PLEKHA7: variants seen among roughly 807,000 people sequenced by gnomAD.
PLEKHA7 encodes pleckstrin homology domain containing A7, also known as pleckstrin homology domain-containing family A member 7.
A neutral mutation model predicts 170.0 loss-of-function variants in PLEKHA7; 104 were observed. The observed-to-expected ratio is 0.61, with a 90% CI of 0.52 to 0.72. The LOEUF (loss-of-function observed/expected upper bound fraction) is 0.72, where lower values mean the gene tolerates loss of function less well. PLEKHA7 is among the 30% of genes least tolerant of loss of function. The pLI is 0.00. For synonymous variants in PLEKHA7, 648 were observed against 660.8 expected (o/e 0.98, Z 0.30); for missense variants, 1,615 against 1,671.7 (o/e 0.97, Z 0.59).
intron 24 of PLEKHA7, among the ~76,000 whole-genome samples, chr11:16,785,051 G>A (rs563860677): frequency 1.3e-5 from 2 of 152,248 alleles, no homozygotes; most frequent in East Asian, 3.9e-4. Context: ...AACTCCTAGA[G>A]CCCCAGCAGA....
At chr11:16,795,081 A>G in intron 17 of PLEKHA7, 63 bp from the exon 18 acceptor site, 2 of 1,208,498 alleles carry the variant, frequency 1.7e-6, no homozygotes, top group Non-Finnish European at 2.5e-6. Flanking sequence ...CTTAGGACTT[A>G]TCCTACCATT....
intron 8 of PLEKHA7, among the ~76,000 whole-genome samples, chr11:16,844,046 A>G (rs1016319864): frequency 1.1e-4 from 17 of 152,116 alleles, no homozygotes; most frequent in Non-Finnish European, 1.9e-4. Context: ...ATCACACAAG[A>G]TCTCTGACAC....
chr11:16,813,410 A>G (rs1849520858), intron 12 of PLEKHA7: 1 of 421,452 alleles, frequency 2.4e-6, no homozygotes, highest in Admixed American at 3.5e-5. Context: ...GGCTAGGGGA[A>G]GAGTTTGGCA....
intron 3 of PLEKHA7, among the ~76,000 whole-genome samples, chr11:16,936,282 A>T (rs1376923836): frequency 1.3e-5 from 2 of 151,318 alleles, no homozygotes; most frequent in African/African-American, 4.9e-5. Flanking sequence ...GGTGCCTGTA[A>T]TCCCAGCTAC....
At chr11:16,868,430 C>T (rs918181446) in intron 4 of PLEKHA7, among the ~76,000 whole-genome samples, 1 of 152,254 alleles carries the variant, frequency 6.6e-6, no homozygotes, top group Non-Finnish European at 1.5e-5. Context: ...CAGGTGAGTC[C>T]TACCTGCCAA....
At position 16,829,974 on chromosome 11, in the gene PLEKHA7, A is replaced by G. The variant is rs1435775454; in HGVS notation, c.873-3384T>C. ...AGTCCTCAAGTTGCCTAAGTTGGCC[A>G]TTCTTTTTTTTTTTCTTTTTCTGAT... On this transcript the variant is annotated intron_variant, in intron 9 of 26. Coordinates refer to ENST00000531066, the MANE Select transcript of PLEKHA7 (RefSeq NM_001329630.2). Among the ~76,000 whole-genome samples the G allele has an allele frequency of 2.7e-5, 4 of 150,858 alleles. No individual in the cohort carries two copies. The East Asian group carries it at 7.7e-4, about 29-fold the overall frequency.
intron 8 of PLEKHA7, among the ~76,000 whole-genome samples, chr11:16,849,137 G>A (rs1852709540): frequency 6.6e-6 from 1 of 152,136 alleles, no homozygotes; most frequent in Non-Finnish European, 1.5e-5. Flanking sequence ...AACACACGAT[G>A]CCTTCTGTCT....
chr11:16,916,052 A>T (rs1242875781), intron 3 of PLEKHA7, among the ~76,000 whole-genome samples: 5 of 150,838 alleles, frequency 3.3e-5, no homozygotes, highest in Non-Finnish European at 5.9e-5. Flanking sequence ...AATGATTGCC[A>T]TTCTAACTGG....
At chr11:16,891,981 T>G (rs745650848) in intron 3 of PLEKHA7, among the ~76,000 whole-genome samples, 2 of 152,198 alleles carry the variant, frequency 1.3e-5, no homozygotes, top group Non-Finnish European at 2.9e-5. Context: ...GTGGAGTCAC[T>G]GGGAGGCATA....
chr11:16,965,173 A>G (rs779216874), intron 3 of PLEKHA7, among the ~76,000 whole-genome samples: 6 of 151,896 alleles, frequency 4.0e-5, no homozygotes, highest in East Asian at 1.9e-4. Context: ...ACCCAAAAAC[A>G]TAAGTCAGGT....
chr11:16,909,195 T>C (rs1383520326), intron 3 of PLEKHA7, among the ~76,000 whole-genome samples: 2 of 152,144 alleles, frequency 1.3e-5, no homozygotes, highest in Non-Finnish European at 2.9e-5. Context: ...ATAATTAATA[T>C]TAGTAGTGAT....
chr11:16,852,947 T>C (rs1355526987), intron 6 of PLEKHA7, among the ~76,000 whole-genome samples: 1 of 152,242 alleles, frequency 6.6e-6, no homozygotes, highest in Non-Finnish European at 1.5e-5. Context: ...TTTGTATTTA[T>C]CAATAATGTT....
Position 16,867,672 on chromosome 11 carries a change from GA to G in PLEKHA7, c.305+3426del, listed in dbSNP as rs540764656. On this transcript the variant is annotated intron_variant, in intron 4 of 26. Coordinates refer to ENST00000531066, the MANE Select transcript of PLEKHA7 (RefSeq NM_001329630.2). ...GTAAATCTAAGTGTATTTCATTTAG[GA>G]GGAAGCAATTTAGGTAATTGGTTGC... Among the ~76,000 whole-genome samples, 26 of 152,166 alleles carry G rather than the reference GA, an allele frequency of 1.7e-4. 1 individual carries two copies. In the South Asian group the frequency reaches 5.2e-3, roughly 30 times the overall value.
At chr11:16,867,122 A>C (rs1565041052) in intron 4 of PLEKHA7, among the ~76,000 whole-genome samples, 1 of 152,166 alleles carries the variant, frequency 6.6e-6, no homozygotes, top group Non-Finnish European at 1.5e-5. Flanking sequence ...CTGGGGGTGA[A>C]GAGAACTAGG....
At chr11:16,911,021 TA>T (rs1475016055) in intron 3 of PLEKHA7, among the ~76,000 whole-genome samples, 1 of 152,216 alleles carries the variant, frequency 6.6e-6, no homozygotes, top group Non-Finnish European at 1.5e-5. Context: ...AACATTCCTA[TA>T]TCTGATGACT....
chr11:16,800,171 C>T (rs1848497447), intron 17 of PLEKHA7, among the ~76,000 whole-genome samples: 1 of 152,082 alleles, frequency 6.6e-6, no homozygotes, highest in Admixed American at 6.5e-5. Context: ...ATGTCAGGGC[C>T]CTGAAAGGAG....
At chr11:16,957,692 TTTTTC>T (rs1264331883) in intron 3 of PLEKHA7, among the ~76,000 whole-genome samples, 1 of 124,808 alleles carries the variant, frequency 8.0e-6, no homozygotes, top group African/African-American at 3.0e-5. Context: ...CTCAATAATT[TTTTTC>T]TTTTTTTTTT....
chr11:16,947,597 AAAAAAAG>A (rs1299864888), intron 3 of PLEKHA7, among the ~76,000 whole-genome samples: 1 of 139,894 alleles, frequency 7.1e-6, no homozygotes. Context: ...CCTAAAAAAA[AAAAAAAG>A]AAAGAAAGAA....
Position 16,802,975 on chromosome 11 carries a change from G to A in PLEKHA7, c.2154C>T (p.Asn718=). The part of the protein sequence containing the change: ...LEDKIRALKE[N]KDQLESVLEV... ...ATTATTCAAAACTGACACGTACTTTGTTCTCTTTAAGGGCTCGTATCTTGT... is the reference window on the plus strand; with the variant it reads ...ATTATTCAAAACTGACACGTACTTTATTCTCTTTAAGGGCTCGTATCTTGT... The change falls in exon 15 of 27, where the codon AAC becomes AAT. Residue 718 remains asparagine (N), a synonymous_variant. Coordinates refer to ENST00000531066, the MANE Select transcript of PLEKHA7 (RefSeq NM_001329630.2). 1 of 1,612,338 alleles carries A rather than the reference G, an allele frequency of 6.2e-7. No homozygotes were observed. The highest frequency in any genetic ancestry group is 1.1e-5 in the South Asian group (1 of 91,044).
Sources: allele counts gnomAD v4.1 joint callset (sites outside exome capture counted in the v4.1 genomes callset), GRCh38; gene constraint gnomAD v4.1.1; transcripts MANE v1.5; gene names NCBI Gene and HGNC (gene_info 2026-07-23, HGNC 2026-07-21).